TPD52: variants seen among roughly 807,000 people sequenced by gnomAD.
TPD52 encodes tumor protein D52, also known as prostate and colon associated protein.
TPD52 carries 17 observed loss-of-function variants against 31.3 expected under a neutral mutation model. That is an observed-to-expected ratio of 0.54 (90% CI 0.37 to 0.82). The LOEUF (loss-of-function observed/expected upper bound fraction) is 0.82. Ranked by LOEUF, TPD52 falls within the 40% of genes least tolerant of loss-of-function variation. The pLI, the probability that TPD52 is intolerant of heterozygous loss-of-function variation, is 0.00. For missense variants in TPD52, 212 were observed against 240.1 expected, an observed-to-expected ratio of 0.88 and a Z score of 0.77; for synonymous variants, 83 against 89.6, an observed-to-expected ratio of 0.93 and a Z score of 0.42.
rs753203634 is a variant in TPD52, at chr8:80,072,680, GAT to G, written c.20-8089_20-8088del. Among the ~76,000 whole-genome samples the G allele has an allele frequency of 1.6e-5, 2 of 121,776 alleles. 1 individual carries two copies. The highest frequency in any genetic ancestry group is 5.5e-5 in the African/African-American group (2 of 36,216). The allele number at this position is 121,776 out of a possible 152,430, so 79.9% of individuals were successfully genotyped here. On this transcript the variant is annotated intron_variant, in intron 1 of 7. Coordinates refer to ENST00000518937, the MANE Select transcript of TPD52 (RefSeq NM_001025253.3). ...ATGTGTGTATATACATGTACACATA[GAT>G]ATGTGTGTATATACACACATATATA...
At chr8:80,044,243 G>C in intron 5 of TPD52, 35 bp from the exon 6 acceptor site, 2 of 1,519,394 alleles carry the variant, frequency 1.3e-6, no homozygotes, top group Non-Finnish European at 1.8e-6. Context: ...TAGAAATAAG[G>C]TTAGTATAGT....
chr8:80,041,292 T>TA (rs566802397), intron 7 of TPD52, among the ~76,000 whole-genome samples: 127 of 152,052 alleles, frequency 8.4e-4, no homozygotes, highest in African/African-American at 2.7e-3. Context: ...AAAAGTATAA[T>TA]AAAAAAATAA....
chr8:80,130,797 T>A (rs558200995), intron 1 of TPD52, among the ~76,000 whole-genome samples: 2 of 152,308 alleles, frequency 1.3e-5, no homozygotes, highest in African/African-American at 4.8e-5. Context: ...GAGTCTTCAA[T>A]GCACTACAAT....
intron 1 of TPD52, among the ~76,000 whole-genome samples, chr8:80,147,960 G>C (rs1036549670): frequency 1.3e-5 from 2 of 152,000 alleles, no homozygotes; most frequent in Non-Finnish European, 2.9e-5. Context: ...CACAAGAGTA[G>C]TCAGGAACTC....
intron 1 of TPD52, among the ~76,000 whole-genome samples, chr8:80,143,952 AGTTT>A (rs34397010): frequency 0.51 from 77,204 of 151,702 alleles, 20,128 homozygotes; most frequent in East Asian, 0.78. Context: ...AAGTCACATT[AGTTT>A]GTTTGTTGAT....
intron 7 of TPD52, among the ~76,000 whole-genome samples, chr8:80,040,859 ATAT>A: frequency 6.6e-6 from 1 of 152,334 alleles, no homozygotes; most frequent in East Asian, 1.9e-4. Flanking sequence ...ACTCTTATAT[ATAT>A]TGTTACTCAT....
At chr8:80,059,352 AT>A (rs1329868124) in intron 2 of TPD52, among the ~76,000 whole-genome samples, 1 of 152,170 alleles carries the variant, frequency 6.6e-6, no homozygotes, top group African/African-American at 2.4e-5. Context: ...ATTAAAAAAA[AT>A]CTCAATAACC....
At chr8:80,171,159 C>A in intron 1 of TPD52, 1 of 694,232 alleles carries the variant, frequency 1.4e-6, no homozygotes, top group Non-Finnish European at 2.6e-6. Context: ...AGCCCCTTCG[C>A]CACCTCCCAG....
rs558779430 is a variant in TPD52, at chr8:80,170,326, G to C, written c.19+1099C>G. ...AGCTACTTGGGAGGCTGAGGCAGGA[G>C]AATCACTTGAACCAGGGAGGCAGAG... is the stretch of plus-strand genomic sequence containing the variant. On this transcript the variant is annotated intron_variant, in intron 1 of 7. Transcript: ENST00000518937. Among the ~76,000 whole-genome samples the C allele has an allele frequency of 3.8e-3, 574 of 152,252 alleles. 3 individuals carry two copies. The highest frequency in any genetic ancestry group is 3.8e-3 in the Non-Finnish European group (257 of 68,018).
At chr8:80,121,875 G>C (rs922256824) in intron 1 of TPD52, among the ~76,000 whole-genome samples, 1 of 152,058 alleles carries the variant, frequency 6.6e-6, no homozygotes, top group Non-Finnish European at 1.5e-5. Context: ...TTCCAGCTGA[G>C]TTCCTACAGC....
chr8:80,074,819 T>C (rs564979243), intron 1 of TPD52, among the ~76,000 whole-genome samples: 2 of 152,246 alleles, frequency 1.3e-5, no homozygotes, highest in African/African-American at 4.8e-5. Flanking sequence ...TTTTCCCATG[T>C]GTGCCCATGG....
At chr8:80,060,460 A>T (rs60332571) in intron 2 of TPD52, among the ~76,000 whole-genome samples, 1 of 152,162 alleles carries the variant, frequency 6.6e-6, no homozygotes, top group African/African-American at 2.4e-5. Context: ...AAACCTTTTC[A>T]AACTCTTCTA....
In TPD52 at chr8:80,042,922, TCAAG is replaced by T. The variant is rs1397127749; in HGVS notation, c.456-258_456-255del. Reference sequence around the variant, plus strand: ...TCAGACATAAGTAATATAGATATGGTCAAGTACGTGTGTAAGGAGAGGTAACGAA... The same window carrying T: ...TCAGACATAAGTAATATAGATATGGTTACGTGTGTAAGGAGAGGTAACGAA... On this transcript the variant is annotated intron_variant, in intron 6 of 7. Coordinates refer to ENST00000518937, the MANE Select transcript of TPD52 (RefSeq NM_001025253.3). 4.2e-5 allele frequency: 14 copies of T among 331,478 alleles called. No homozygotes were observed. In the Admixed American group the frequency reaches 6.3e-4, roughly 15 times the overall value. The allele number at this position is 331,478 out of a possible 1,614,324, so 20.5% of individuals were successfully genotyped here.
At chr8:80,054,776 A>C (rs939564598) in intron 2 of TPD52, among the ~76,000 whole-genome samples, 2 of 151,974 alleles carry the variant, frequency 1.3e-5, no homozygotes, top group African/African-American at 4.8e-5. Flanking sequence ...AGAACCTACA[A>C]CACCACTCTC....
chr8:80,141,516 G>T (rs1809826432), intron 1 of TPD52, among the ~76,000 whole-genome samples: 3 of 152,320 alleles, frequency 2.0e-5, no homozygotes, highest in Admixed American at 2.0e-4. Context: ...GCCCTGAGAT[G>T]ACTGATGCCC....
intron 2 of TPD52, among the ~76,000 whole-genome samples, chr8:80,056,688 TA>T (rs965722069): frequency 4.0e-5 from 6 of 151,708 alleles, no homozygotes; most frequent in African/African-American, 1.5e-4. Context: ...TGGTTACAAT[TA>T]AAAAAAACAG....
At chr8:80,095,636 C>T (rs1290222725) in intron 1 of TPD52, among the ~76,000 whole-genome samples, 1 of 152,096 alleles carries the variant, frequency 6.6e-6, no homozygotes, top group Admixed American at 6.6e-5. Context: ...TTTCTGTAAA[C>T]CCAAAACTGC....
chr8:80,116,732 C>T (rs1052994095), intron 1 of TPD52, among the ~76,000 whole-genome samples: 9 of 148,378 alleles, frequency 6.1e-5, no homozygotes, highest in African/African-American at 1.7e-4. Flanking sequence ...AATACAGACA[C>T]GAAAGTCCTC....
chr8:80,142,297 C>A (rs1355567381), intron 1 of TPD52, among the ~76,000 whole-genome samples: 1 of 152,282 alleles, frequency 6.6e-6, no homozygotes, highest in African/African-American at 2.4e-5. Flanking sequence ...TTCTCATCTA[C>A]CCCGTACCTG....
Sources: allele counts gnomAD v4.1 joint callset (sites outside exome capture counted in the v4.1 genomes callset), GRCh38; gene constraint gnomAD v4.1.1; transcripts MANE v1.5; gene names NCBI Gene and HGNC (gene_info 2026-07-23, HGNC 2026-07-21).